Variants in FMN1 observed in about 807,000 individuals in gnomAD.
FMN1 encodes the protein formin-1.
FMN1 carries 110 observed loss-of-function variants against 132.4 expected under a neutral mutation model. The observed-to-expected ratio is 0.83, with a 90% CI of 0.71 to 0.97. The LOEUF is 0.97. Ranked by LOEUF, FMN1 falls within the 50% of genes least tolerant of loss-of-function variation. The pLI, the probability that FMN1 is intolerant of heterozygous loss-of-function variation, is 0.00. For missense variants in FMN1, 1,792 were observed against 1,705.3 expected (o/e 1.05, Z -0.90); for synonymous variants, 722 against 651.7 (o/e 1.11, Z -1.64).
intron 6 of FMN1, among the ~76,000 whole-genome samples, chr15:33,040,447 C>T (rs2036379489): frequency 6.6e-6 from 1 of 152,198 alleles, no homozygotes; most frequent in South Asian, 2.1e-4. Context: ...CCATTAAGTG[C>T]TTGATTCCAA....
chr15:32,947,107 G>A (rs1402074235), intron 9 of FMN1, among the ~76,000 whole-genome samples: 1 of 151,920 alleles, frequency 6.6e-6, no homozygotes, highest in African/African-American at 2.4e-5. Context: ...TGTCTTTTCC[G>A]TATAAGGCCA....
intron 3 of FMN1, among the ~76,000 whole-genome samples, chr15:33,163,079 G>A (rs1270564603): frequency 6.6e-6 from 1 of 152,072 alleles, no homozygotes; most frequent in Non-Finnish European, 1.5e-5. Flanking sequence ...CCGAGATCAC[G>A]CCACTGTACT....
chr15:32,933,801 G>A (rs71462830), intron 9 of FMN1, among the ~76,000 whole-genome samples: 2,555 of 152,152 alleles, frequency 0.017, 35 homozygotes, highest in Non-Finnish European at 0.023. Flanking sequence ...AGCTAAGGAT[G>A]TCAGTTGTTG....
At chr15:33,106,460 T>G (rs986136989) in intron 4 of FMN1, among the ~76,000 whole-genome samples, 2 of 152,024 alleles carry the variant, frequency 1.3e-5, no homozygotes, top group African/African-American at 4.8e-5. Context: ...TTAGAGGAAT[T>G]TTGAGTCATT....
intron 4 of FMN1, among the ~76,000 whole-genome samples, chr15:33,100,524 A>C (rs1289765776): frequency 6.6e-6 from 1 of 151,934 alleles, no homozygotes. Context: ...GGAGGAGGGG[A>C]GGGGTCAAGA....
intron 9 of FMN1, among the ~76,000 whole-genome samples, chr15:32,955,520 G>A (rs1275470680): frequency 1.3e-5 from 2 of 151,992 alleles, no homozygotes; most frequent in African/African-American, 2.4e-5. Flanking sequence ...AAGCACAGGC[G>A]CTCAGCCTCA....
intron 6 of FMN1, among the ~76,000 whole-genome samples, chr15:33,054,970 C>T (rs1390306631): frequency 6.6e-6 from 1 of 152,102 alleles, no homozygotes; most frequent in African/African-American, 2.4e-5. Context: ...TGAAGCCCTC[C>T]AACCCCTGCA....
intron 10 of FMN1, 127 bp from the exon 11 acceptor site, chr15:32,910,662 T>C: frequency 1.4e-6 from 1 of 705,898 alleles, no homozygotes; most frequent in Non-Finnish European, 2.5e-6. Context: ...GCTGTGCCTC[T>C]CTGCTCCCCT....
chr15:33,149,461 C>T (rs1426850427), intron 4 of FMN1, among the ~76,000 whole-genome samples: 7 of 152,078 alleles, frequency 4.6e-5, no homozygotes, highest in African/African-American at 1.7e-4. Context: ...CTATTTTTTG[C>T]CACTACAGAC....
At chr15:32,835,232 C>T (rs1360493191) in intron 17 of FMN1, among the ~76,000 whole-genome samples, 2 of 152,140 alleles carry the variant, frequency 1.3e-5, no homozygotes, top group Non-Finnish European at 2.9e-5. Context: ...TACTCATGAA[C>T]AAGGGAAAGC....
chr15:33,039,876 A>T (rs2141112133), intron 6 of FMN1, among the ~76,000 whole-genome samples: 1 of 152,270 alleles, frequency 6.6e-6, no homozygotes, highest in South Asian at 2.1e-4. Flanking sequence ...TAGAAACCCC[A>T]AACTGGCCTT....
chr15:33,039,796 T>G (rs753736363), intron 6 of FMN1, among the ~76,000 whole-genome samples: 2 of 152,196 alleles, frequency 1.3e-5, no homozygotes, highest in African/African-American at 4.8e-5. Flanking sequence ...AATAAAGATT[T>G]TGAATGTATC....
At chr15:33,137,386 C>A (rs948519976) in intron 4 of FMN1, among the ~76,000 whole-genome samples, 11 of 152,164 alleles carry the variant, frequency 7.2e-5, no homozygotes, top group African/African-American at 2.7e-4. Context: ...GTTTTAGAAG[C>A]ATTCCAGAGT....
intron 6 of FMN1, among the ~76,000 whole-genome samples, chr15:33,037,782 T>C (rs1291451622): frequency 6.6e-5 from 10 of 152,230 alleles, no homozygotes; most frequent in Admixed American, 4.6e-4. Context: ...ACTAGAACGG[T>C]GTTCTTCAAA....
chr15:33,122,117 A>G (rs780563569), intron 4 of FMN1, among the ~76,000 whole-genome samples: 3 of 152,256 alleles, frequency 2.0e-5, no homozygotes, highest in Non-Finnish European at 4.4e-5. Flanking sequence ...GAACTTTTAC[A>G]GTTAACTACA....
intron 7 of FMN1, among the ~76,000 whole-genome samples, chr15:32,990,028 G>C (rs1380783700): frequency 6.6e-6 from 1 of 152,072 alleles, no homozygotes; most frequent in African/African-American, 2.4e-5. Flanking sequence ...TTCTATGGTG[G>C]GCTTATAAAA....
chr15:32,847,593 G>A (rs1300582093), intron 17 of FMN1, among the ~76,000 whole-genome samples: 2 of 152,148 alleles, frequency 1.3e-5, no homozygotes, highest in African/African-American at 2.4e-5. Context: ...GGTGGCTCAT[G>A]CCTGTAATCC....
At chr15:32,915,275 C>T (rs550703711) in intron 10 of FMN1, among the ~76,000 whole-genome samples, 51 of 152,238 alleles carry the variant, frequency 3.4e-4, no homozygotes, top group Non-Finnish European at 6.0e-4. Flanking sequence ...AGAATCCACA[C>T]CTGATAATTC....
chr15:32,804,371 G>A (rs1187731540), intron 17 of FMN1, 39 bp from the exon 18 acceptor site: 22 of 1,235,292 alleles, frequency 1.8e-5, no homozygotes, highest in Middle Eastern at 4.8e-4. Flanking sequence ...TTTTTCTTCT[G>A]TTGTCTCCTT....
Sources: allele counts gnomAD v4.1 joint callset (sites outside exome capture counted in the v4.1 genomes callset), GRCh38; gene constraint gnomAD v4.1.1; transcripts MANE v1.5; gene names NCBI Gene and HGNC (gene_info 2026-07-23, HGNC 2026-07-21).